OR9G4: variants seen among roughly 807,000 people sequenced by gnomAD.
OR9G4 encodes the protein olfactory receptor 9G4.
In OR9G4, 19 loss-of-function variants were observed where a neutral mutation model predicts 16.7. That is an observed-to-expected ratio of 1.14 (90% CI 0.79 to 1.67). OR9G4 has a LOEUF of 1.67. Among genes scored for constraint, OR9G4 ranks in the 40% most tolerant of loss-of-function variants. OR9G4 has a pLI of 0.00. For missense variants in OR9G4, 428 were observed against 370.4 expected, an observed-to-expected ratio of 1.16 and a Z score of -1.28; for synonymous variants, 182 against 146.2, an observed-to-expected ratio of 1.24 and a Z score of -1.76.
rs1858306375 is a variant in OR9G4, at chr11:56,741,889, A to C, written c.*939T>G. 1 of 152,242 alleles carries C rather than the reference A, an allele frequency of 6.6e-6. No homozygotes were observed. Among genetic ancestry groups the C allele is most frequent in the Admixed American group, 6.5e-5 (1 of 15,284 alleles). The allele number at this position is 152,242 out of a possible 1,614,324, so 9.4% of individuals were successfully genotyped here. Reference sequence around the variant, plus strand: ...AGTTATGGAGTTTATATCAGGGTTTAGGGAATTGGGCTCGAGGCCAAGGCT... The same window carrying C: ...AGTTATGGAGTTTATATCAGGGTTTCGGGAATTGGGCTCGAGGCCAAGGCT... On this transcript the variant is annotated 3_prime_UTR_variant, in exon 2 of 2. Transcript: ENST00000641668.
At position 56,741,545 on chromosome 11, in the gene OR9G4, G is replaced by C. The variant is rs1028035988; in HGVS notation, c.*1283C>G. The C allele has an allele frequency of 2.0e-5, 3 of 152,320 alleles. No homozygotes were observed. Among genetic ancestry groups the C allele is most frequent in the Non-Finnish European group, 4.4e-5 (3 of 68,170 alleles). The allele number at this position is 152,320 out of a possible 1,614,324, so 9.4% of individuals were successfully genotyped here. On this transcript the variant is annotated 3_prime_UTR_variant, in exon 2 of 2. Transcript: ENST00000641668. ...TACTCAAACAGCTTCCTTTGTGATA[G>C]AGGAATAAGAATGTTAAGATTATTT...
rs751800681 is a variant in OR9G4 at position 56,742,970 on chromosome 11, T to A, written c.797A>T (p.Tyr266Phe). ...LFMYSRPSST[Y>F]SLERDKVAAL... ...AGCTACTTTGTCCCTCTCTAGGGAGTAGGTGGAACTAGGCCTTGAATACAT... is the reference window on the plus strand; with the variant it reads ...AGCTACTTTGTCCCTCTCTAGGGAGAAGGTGGAACTAGGCCTTGAATACAT... Residue 266 changes from tyrosine (Y) to phenylalanine (F), a missense_variant, in exon 2 of 2, where the codon TAC becomes TTC. Physicochemically the swap from Tyr to Phe is conservative, Grantham distance 22. Transcript: ENST00000641668. The A allele has an allele frequency of 1.1e-5, 18 of 1,613,832 alleles. No homozygotes were observed. Among genetic ancestry groups the A allele is most frequent in the Non-Finnish European group, 1.5e-5 (18 of 1,179,988 alleles).
chr11:56,746,007 C>T (rs1350942835), intron 1 of OR9G4, among the ~76,000 whole-genome samples: 3 of 151,610 alleles, frequency 2.0e-5, no homozygotes, highest in Admixed American at 1.3e-4. Flanking sequence ...AAATACAATC[C>T]TATGGGCCGG....
chr11:56,742,249 A>G lies in OR9G4; in HGVS notation c.*579T>C, dbSNP rs573074308. ...CACATATTTATTCATTAATTTTGAG[A>G]TAGTTTTTTGTTGTCATTGTTGTTT... is the stretch of plus-strand genomic sequence containing the variant. On this transcript the variant is annotated 3_prime_UTR_variant, in exon 2 of 2. Coordinates refer to ENST00000641668, the MANE Select transcript of OR9G4 (RefSeq NM_001005284.2). 6.5e-6 allele frequency: 1 copy of G among 152,998 alleles called. No homozygotes were observed. Among genetic ancestry groups the G allele is most frequent in the South Asian group, 2.1e-4 (1 of 4,850 alleles). 9.5% of individuals were successfully genotyped at this position (152,998 alleles called of 1,614,324 possible). A position where few individuals can be genotyped will look rare whatever the true frequency, so the allele number is the denominator to read the frequency against.
intron 1 of OR9G4, among the ~76,000 whole-genome samples, chr11:56,745,522 G>C (rs1413971201): frequency 6.6e-6 from 1 of 152,142 alleles, no homozygotes; most frequent in Admixed American, 6.5e-5. Context: ...GCTCACACCT[G>C]TAATCCCAGC....
intron 1 of OR9G4, among the ~76,000 whole-genome samples, chr11:56,746,128 C>T (rs1858409621): frequency 1.3e-5 from 2 of 151,212 alleles, no homozygotes; most frequent in South Asian, 4.2e-4. Context: ...CCCGTCTCTA[C>T]TAAAAATACA....
chr11:56,746,491 T>C (rs1292906242), intron 1 of OR9G4, among the ~76,000 whole-genome samples: 1 of 152,040 alleles, frequency 6.6e-6, no homozygotes, highest in African/African-American at 2.4e-5. Context: ...ACACGCAAAA[T>C]TTTAATGGGT....
chr11:56,745,345 C>A (rs1372767311), intron 1 of OR9G4, among the ~76,000 whole-genome samples: 1 of 152,112 alleles, frequency 6.6e-6, no homozygotes, highest in African/African-American at 2.4e-5. Flanking sequence ...ATATTTGGTA[C>A]ATATCCCTGA....
intron 1 of OR9G4, among the ~76,000 whole-genome samples, chr11:56,745,015 A>G: frequency 6.6e-6 from 1 of 152,166 alleles, no homozygotes; most frequent in East Asian, 1.9e-4. Context: ...TATCTTAACA[A>G]TTCCCCACCT....
At chr11:56,746,106 A>G (rs929243169) in intron 1 of OR9G4, among the ~76,000 whole-genome samples, 2 of 151,690 alleles carry the variant, frequency 1.3e-5, no homozygotes, top group African/African-American at 4.8e-5. Flanking sequence ...ATCCCGGCTA[A>G]AACGGTGAAA....
intron 1 of OR9G4, among the ~76,000 whole-genome samples, chr11:56,745,019 C>T (rs1424507611): frequency 6.6e-6 from 1 of 152,110 alleles, no homozygotes; most frequent in East Asian, 1.9e-4. Flanking sequence ...TTAACAATTC[C>T]CCACCTACGT....
rs766692231 is a variant in OR9G4 at position 56,742,969 on chromosome 11, G to A, written c.798C>T (p.Tyr266=). 16 of 1,614,012 alleles carry A rather than the reference G, an allele frequency of 9.9e-6. No homozygotes were observed. The highest frequency in any genetic ancestry group is 2.2e-5 in the East Asian group (1 of 44,890). ...LFMYSRPSST[Y]SLERDKVAAL... is the part of the protein sequence containing the mutation. ...CAGCTACTTTGTCCCTCTCTAGGGA[G>A]TAGGTGGAACTAGGCCTTGAATACA... Residue 266 remains tyrosine, a synonymous_variant, in exon 2 of 2, where the codon TAC becomes TAT. Transcript: ENST00000641668.
chr11:56,743,498 T>C lies in OR9G4; in HGVS notation c.269A>G (p.Lys90Arg), dbSNP rs1260039063. The change falls in exon 2 of 2, where the codon AAG becomes AGG. Residue 90 changes from lysine to arginine, a missense_variant. Lys to Arg is a conservative substitution (Grantham distance 26). Coordinates refer to ENST00000641668, the MANE Select transcript of OR9G4 (RefSeq NM_001005284.2). ...KILASCVSED[K>R]RISLAGCGAQ... ...CCCACATCCAGCCAAGGAAATGCGCTTATCTTCTGAGACACAACTGGCCAG... is the reference window on the plus strand; with the variant it reads ...CCCACATCCAGCCAAGGAAATGCGCCTATCTTCTGAGACACAACTGGCCAG... 1 of 1,614,122 alleles carries C rather than the reference T, an allele frequency of 6.2e-7. No individual in the cohort carries two copies. The highest frequency in any genetic ancestry group is 8.5e-7 in the Non-Finnish European group (1 of 1,180,026).
At position 56,743,652 on chromosome 11, in the gene OR9G4, A is replaced by T; in HGVS notation, c.115T>A (p.Leu39Met). 1 of 1,614,128 alleles carries T rather than the reference A, an allele frequency of 6.2e-7. No homozygotes were observed. The highest frequency in any genetic ancestry group is 8.5e-7 in the Non-Finnish European group (1 of 1,179,972). The change falls in exon 2 of 2, where the codon TTG (leucine) becomes ATG (methionine). Residue 39 changes from leucine to methionine, a missense_variant. Transcript: ENST00000641668. ...GVFLMLYLITLSGNMTLVILI... is the reference protein window; with the variant it reads ...GVFLMLYLITMSGNMTLVILI... Reference sequence around the variant, plus strand: ...ATAACCAAGGTCATGTTTCCTGACAAGGTTATCAAATAGAGCATCAGAAAC... The same window carrying T: ...ATAACCAAGGTCATGTTTCCTGACATGGTTATCAAATAGAGCATCAGAAAC...
At chr11:56,745,920 T>C (rs535300372) in intron 1 of OR9G4, among the ~76,000 whole-genome samples, 4 of 152,244 alleles carry the variant, frequency 2.6e-5, no homozygotes, top group Admixed American at 2.0e-4. Context: ...TTGGTTGAAG[T>C]GAGAAATAAA....
Position 56,741,629 on chromosome 11 carries a change from A to C in OR9G4, c.*1199T>G, listed in dbSNP as rs1396388256. ...ATGCAGCTGAAGAGAAAGTTGAGAAATGTCAAGTAAAGACAAATGAAATGG... is the reference window on the plus strand; with the variant it reads ...ATGCAGCTGAAGAGAAAGTTGAGAACTGTCAAGTAAAGACAAATGAAATGG... On this transcript the variant is annotated 3_prime_UTR_variant, in exon 2 of 2. Transcript: ENST00000641668. The C allele has an allele frequency of 6.6e-6, 1 of 152,214 alleles. No homozygotes were observed. The highest frequency in any genetic ancestry group is 1.5e-5 in the Non-Finnish European group (1 of 68,050). The allele number at this position is 152,214 out of a possible 1,614,324, so 9.4% of individuals were successfully genotyped here. A position where few individuals can be genotyped will look rare whatever the true frequency, so the allele number is the denominator to read the frequency against.
rs747409716 is a variant in OR9G4, at chr11:56,742,942, A to G, written c.825T>C (p.Ala275=). Residue 275 remains alanine, a synonymous_variant, in exon 2 of 2, where the codon GCT becomes GCC. Transcript: ENST00000641668. ...TYSLERDKVA[A]LFYTVINPLL... The stretch of plus-strand genomic sequence containing the variant: ...GTGGGTTGATCACGGTGTAGAACAG[A>G]GCAGCTACTTTGTCCCTCTCTAGGG... 3.1e-6 allele frequency: 5 copies of G among 1,614,142 alleles called. No homozygotes were observed. The South Asian group carries it at 4.4e-5, about 14-fold the overall frequency.
chr11:56,743,859 A>C (rs189240816), intron 1 of OR9G4, 71 bp from the exon 2 acceptor site: 1 of 1,509,698 alleles, frequency 6.6e-7, no homozygotes, highest in East Asian at 2.3e-5. Flanking sequence ...GTATCAATTA[A>C]ATCAACAATT....
chr11:56,746,126 T>C (rs1858409571), intron 1 of OR9G4, among the ~76,000 whole-genome samples: 1 of 151,130 alleles, frequency 6.6e-6, no homozygotes, highest in African/African-American at 2.4e-5. Context: ...ACCCCGTCTC[T>C]ACTAAAAATA....
Sources: allele counts gnomAD v4.1 joint callset (sites outside exome capture counted in the v4.1 genomes callset), GRCh38; gene constraint gnomAD v4.1.1; transcripts MANE v1.5; gene names NCBI Gene and HGNC (gene_info 2026-07-23, HGNC 2026-07-21).